SLC49A4: variants seen among roughly 807,000 people sequenced by gnomAD.
SLC49A4 encodes the protein disrupted in renal cancer protein 2.
SLC49A4 carries 36 observed loss-of-function variants against 50.6 expected under a neutral mutation model. The observed-to-expected ratio is 0.71, with a 90% confidence interval of 0.55 to 0.94. The LOEUF is 0.94. Ranked by LOEUF, SLC49A4 falls within the 40% of genes least tolerant of loss-of-function variation. The probability of loss-of-function intolerance (pLI) is 0.00; values close to 1 mark genes in which losing one functional copy is unlikely to be tolerated. For synonymous variants in SLC49A4, 248 were observed against 241.2 expected (o/e 1.03, Z -0.26); for missense variants, 503 against 605.7 (o/e 0.83, Z 1.78).
At position 122,828,599 on chromosome 3, in the gene SLC49A4, T is replaced by G. The variant is rs188858796; in HGVS notation, c.703+1534T>G. 1.2e-4 allele frequency among the ~76,000 whole-genome samples: 18 copies of G among 152,286 alleles called. No homozygotes were observed. The East Asian group carries it at 3.3e-3, about 28-fold the overall frequency. ...TAAGCAGGCCTGAAGGGTTTAAGGT[T>G]CACCACATTGTAGGCAAAGGCCACA... is the stretch of plus-strand genomic sequence containing the variant. On this transcript the variant is annotated intron_variant, in intron 3 of 8. Coordinates refer to ENST00000261038, the MANE Select transcript of SLC49A4 (RefSeq NM_032839.3).
rs1937323528 is a variant in SLC49A4, at chr3:122,880,496, G to A, written c.*1118G>A. On this transcript the variant is annotated 3_prime_UTR_variant, in exon 9 of 9. Transcript: ENST00000261038. ...GTGGCTGTCAGACACAGATTTCACT[G>A]TGACGTAAAATACACTGCAGTGAGA... 1 of 152,084 alleles carries A rather than the reference G, an allele frequency of 6.6e-6. No individual in the cohort carries two copies. The highest frequency in any genetic ancestry group is 1.5e-5 in the Non-Finnish European group (1 of 68,006). 9.4% of individuals were successfully genotyped at this position (152,084 alleles called of 1,614,324 possible).
At chr3:122,808,400 A>AG (rs1333887592) in intron 2 of SLC49A4, among the ~76,000 whole-genome samples, 1 of 152,206 alleles carries the variant, frequency 6.6e-6, no homozygotes, top group Admixed American at 6.5e-5. Flanking sequence ...TGGGAAGATA[A>AG]CCTTTTGGGA....
chr3:122,869,994 C>T (rs1188817821), intron 7 of SLC49A4, among the ~76,000 whole-genome samples: 1 of 71,838 alleles, frequency 1.4e-5, no homozygotes, highest in Non-Finnish European at 3.2e-5. Flanking sequence ...TGATAGTTCC[C>T]TTTCAGTGTG....
At chr3:122,852,403 C>T (rs1936938060) in intron 5 of SLC49A4, among the ~76,000 whole-genome samples, 2 of 152,084 alleles carry the variant, frequency 1.3e-5, no homozygotes, top group South Asian at 4.1e-4. Flanking sequence ...ATTCCATTAT[C>T]TTGGTCCCTT....
At chr3:122,842,238 G>A (rs189823136) in intron 4 of SLC49A4, among the ~76,000 whole-genome samples, 4,999 of 152,160 alleles carry the variant, frequency 0.033, 123 homozygotes, top group Middle Eastern at 0.078. Context: ...TGTAATCCCA[G>A]CACTTTGGGA....
chr3:122,879,034 G>A (rs893565078), intron 8 of SLC49A4, among the ~76,000 whole-genome samples: 1 of 152,148 alleles, frequency 6.6e-6, no homozygotes, highest in African/African-American at 2.4e-5. Flanking sequence ...TTGATGAAAA[G>A]TTATGAACAA....
At position 122,795,088 on chromosome 3, in the gene SLC49A4, A is replaced by G; in HGVS notation, c.-105A>G. 1.7e-6 allele frequency: 2 copies of G among 1,195,608 alleles called. No individual in the cohort carries two copies. The highest frequency in any genetic ancestry group is 4.2e-5 in the South Asian group (1 of 23,558). 74.1% of individuals were successfully genotyped at this position (1,195,608 alleles called of 1,614,324 possible). A position where few individuals can be genotyped will look rare whatever the true frequency, so the allele number is the denominator to read the frequency against. Reference sequence around the variant, plus strand: ...AGGCGCGGTCCGGAGGCCGAGGGCGACCACAGCAGCCTCCGCCTCCTGCTG... The same window carrying G: ...AGGCGCGGTCCGGAGGCCGAGGGCGGCCACAGCAGCCTCCGCCTCCTGCTG... On this transcript the variant is annotated 5_prime_UTR_variant, in exon 1 of 9. Transcript: ENST00000261038.
chr3:122,795,521 T>C lies in SLC49A4; in HGVS notation c.329T>C (p.Leu110Pro), dbSNP rs1302887857. ...CTGCCCTGCTTCGCGTTCATGTGGC[T>C]CCTGGACAAGAGAGGTGAGGGGTCG... ...GFLPCFAFMW[L>P]LDKRGLRITV... Residue 110 changes from leucine to proline, a missense_variant, in exon 1 of 9, where the codon CTC becomes CCC. Leu to Pro is a moderately conservative substitution (Grantham distance 98). Coordinates refer to ENST00000261038, the MANE Select transcript of SLC49A4 (RefSeq NM_032839.3). The C allele has an allele frequency of 6.3e-7, 1 of 1,599,724 alleles. No individual in the cohort carries two copies. The highest frequency in any genetic ancestry group is 8.5e-7 in the Non-Finnish European group (1 of 1,178,160).
chr3:122,808,732 A>G (rs1300361385), intron 2 of SLC49A4, among the ~76,000 whole-genome samples: 2 of 152,206 alleles, frequency 1.3e-5, no homozygotes, highest in African/African-American at 4.8e-5. Flanking sequence ...GGGCATAAGT[A>G]AGGAAAGTTG....
intron 3 of SLC49A4, among the ~76,000 whole-genome samples, chr3:122,828,584 T>G (rs1355713456): frequency 6.6e-6 from 1 of 152,168 alleles, no homozygotes; most frequent in Non-Finnish European, 1.5e-5. Context: ...TAAGCAGGCC[T>G]GAAGGGTTTA....
At chr3:122,828,398 T>C (rs1279053015) in intron 3 of SLC49A4, among the ~76,000 whole-genome samples, 1 of 152,134 alleles carries the variant, frequency 6.6e-6, no homozygotes, top group Non-Finnish European at 1.5e-5. Context: ...GCCTGAGGAA[T>C]GAGAGAACGA....
In SLC49A4 at chr3:122,879,514, A is replaced by T; in HGVS notation, c.*136A>T. ...ATTCAGAGGTTTTGTTAGGTTACAG[A>T]TTATCACATTAATTTAATTACTACT... is the stretch of plus-strand genomic sequence containing the variant. On this transcript the variant is annotated 3_prime_UTR_variant, in exon 9 of 9. Coordinates refer to ENST00000261038, the MANE Select transcript of SLC49A4 (RefSeq NM_032839.3). 1.5e-6 allele frequency: 1 copy of T among 660,712 alleles called. No individual in the cohort carries two copies. The allele number at this position is 660,712 out of a possible 1,614,324, so 40.9% of individuals were successfully genotyped here.
At chr3:122,843,525 A>C (rs1936804137) in intron 4 of SLC49A4, among the ~76,000 whole-genome samples, 1 of 152,252 alleles carries the variant, frequency 6.6e-6, no homozygotes, top group Non-Finnish European at 1.5e-5. Flanking sequence ...TCAGTGTTTA[A>C]ATTTTCAATT....
chr3:122,873,368 C>T (rs1396428825), intron 8 of SLC49A4, among the ~76,000 whole-genome samples: 3 of 151,884 alleles, frequency 2.0e-5, no homozygotes, highest in Admixed American at 6.6e-5. Flanking sequence ...TTAGTAGAGA[C>T]GGGGTTTCAC....
At chr3:122,811,593 C>T (rs905584725) in intron 2 of SLC49A4, among the ~76,000 whole-genome samples, 8 of 152,216 alleles carry the variant, frequency 5.3e-5, no homozygotes, top group African/African-American at 1.9e-4. Context: ...ACATATAAAG[C>T]TCTGTCAGTT....
At chr3:122,852,871 CT>C (rs774943316) in intron 5 of SLC49A4, among the ~76,000 whole-genome samples, 8 of 152,300 alleles carry the variant, frequency 5.3e-5, no homozygotes, top group Middle Eastern at 3.4e-3. Context: ...CCGTGCTTAT[CT>C]CTTCAGATTA....
intron 7 of SLC49A4, among the ~76,000 whole-genome samples, chr3:122,870,665 T>C (rs1937184608): frequency 6.6e-6 from 1 of 150,988 alleles, no homozygotes; most frequent in Non-Finnish European, 1.5e-5. Flanking sequence ...AAAAAAAATT[T>C]AGCTTGGCAT....
At chr3:122,825,793 A>C (rs986020517) in intron 2 of SLC49A4, among the ~76,000 whole-genome samples, 1 of 151,972 alleles carries the variant, frequency 6.6e-6, no homozygotes, top group African/African-American at 2.4e-5. Flanking sequence ...TTTCTTGTCT[A>C]TGCTTTCTTT....
At chr3:122,859,099 A>C (rs1371741341) in intron 6 of SLC49A4, among the ~76,000 whole-genome samples, 1 of 152,230 alleles carries the variant, frequency 6.6e-6, no homozygotes, top group African/African-American at 2.4e-5. Flanking sequence ...GCTATGAAGA[A>C]ATAAAATAGA....
Sources: gnomAD v4.1 joint callset for allele counts (sites outside exome capture counted in the v4.1 genomes callset) on GRCh38, gnomAD v4.1.1 for gene constraint, MANE v1.5 for transcripts, NCBI Gene and HGNC (gene_info 2026-07-23, HGNC 2026-07-21) for gene names.